DAB1: variants seen among roughly 807,000 people sequenced by gnomAD.
The protein encoded by DAB1 is DAB adaptor protein 1, also known as disabled homolog 1.
A neutral mutation model predicts 64.6 loss-of-function variants in DAB1; 15 were observed. The observed-to-expected ratio is 0.23, with a 90% CI of 0.16 to 0.36. The LOEUF (loss-of-function observed/expected upper bound fraction) is 0.36, where lower values mean the gene tolerates loss of function less well. Ranked by LOEUF, DAB1 falls within the 10% of genes least tolerant of loss-of-function variation. The pLI is 1.00. For missense variants in DAB1, 596 were observed against 706.7 expected (o/e 0.84, Z 1.78); for synonymous variants, 235 against 251.9 (o/e 0.93, Z 0.64).
intron 6 of DAB1, among the ~76,000 whole-genome samples, chr1:57,695,281 G>A (rs1269453146): frequency 0.017 from 1,233 of 74,586 alleles, 296 homozygotes; most frequent in African/African-American, 0.035. Flanking sequence ...AGGAAGGAAG[G>A]AAGAAAGGGA....
chr1:58,403,988 A>G lies in DAB1; in HGVS notation n.258-60585T>C, dbSNP rs553656149. ...AAAAACTTGGATTTATTTGGTCTGG[A>G]GAAGATTCCAAGGAACATTTGTAGG... On this transcript the variant is annotated intron_variant and non_coding_transcript_variant, in intron 3 of 20. Transcript: ENST00000485760. Among the ~76,000 whole-genome samples the G allele has an allele frequency of 6.6e-5, 10 of 152,364 alleles. No individual in the cohort carries two copies. In the South Asian group the frequency reaches 1.9e-3, roughly 28 times the overall value.
At chr1:58,132,650 C>T (rs1653694738) in intron 5 of DAB1, among the ~76,000 whole-genome samples, 1 of 152,138 alleles carries the variant, frequency 6.6e-6, no homozygotes, top group Admixed American at 6.5e-5. Flanking sequence ...CTTGTTTTCT[C>T]CCTAGCAGGG....
Position 57,323,608 on chromosome 1 carries a change from G to A in DAB1, c.-136-32442C>T, listed in dbSNP as rs186493525. On this transcript the variant is annotated intron_variant, in intron 1 of 14. Coordinates refer to ENST00000371236, the MANE Select transcript of DAB1 (RefSeq NM_001365792.1). ...ATCACCAGAACCAGACTGTGATCTC[G>A]CTAAGGGCAGGATCAAACTCAGCTA... 1.8e-3 allele frequency among the ~76,000 whole-genome samples: 271 copies of A among 152,156 alleles called. 1 individual carries two copies. The highest frequency in any genetic ancestry group is 3.3e-3 in the Admixed American group (50 of 15,278).
intron 5 of DAB1, among the ~76,000 whole-genome samples, chr1:58,126,920 C>G (rs1247376467): frequency 6.9e-6 from 1 of 144,918 alleles, no homozygotes; most frequent in Non-Finnish European, 1.5e-5. Context: ...AATAAACATA[C>G]GTGTGCATGT....
chr1:57,214,611 C>T (rs1197771362), intron 2 of DAB1, among the ~76,000 whole-genome samples: 1 of 152,042 alleles, frequency 6.6e-6, no homozygotes, highest in South Asian at 2.1e-4. Context: ...TTCTGTTTCA[C>T]CTTAGAAAAA....
chr1:58,160,376 C>T (rs1173919088), intron 4 of DAB1, among the ~76,000 whole-genome samples: 1 of 152,128 alleles, frequency 6.6e-6, no homozygotes, highest in Non-Finnish European at 1.5e-5. Flanking sequence ...TTGGGGCCTC[C>T]TATCATGTAC....
chr1:58,445,707 A>G (rs1645057910), intron 3 of DAB1, among the ~76,000 whole-genome samples: 1 of 152,204 alleles, frequency 6.6e-6, no homozygotes, highest in Admixed American at 6.5e-5. Flanking sequence ...AGGAGTGACA[A>G]ACTACAGTTT....
At chr1:57,482,559 G>A (rs964297327) in intron 7 of DAB1, among the ~76,000 whole-genome samples, 77 of 149,762 alleles carry the variant, frequency 5.1e-4, no homozygotes, top group African/African-American at 1.8e-3. Flanking sequence ...CAACTGTTTA[G>A]CATATTAAAT....
intron 1 of DAB1, among the ~76,000 whole-genome samples, chr1:57,402,094 A>G (rs1683288357): frequency 6.6e-6 from 1 of 152,244 alleles, no homozygotes; most frequent in Non-Finnish European, 1.5e-5. Context: ...GAGATAAAGA[A>G]AAAGACCTCT....
intron 4 of DAB1, among the ~76,000 whole-genome samples, chr1:58,184,363 A>G (rs1007757539): frequency 2.0e-5 from 3 of 150,862 alleles, no homozygotes; most frequent in African/African-American, 7.3e-5. Flanking sequence ...AATTGATTAG[A>G]TTTTCTGAAA....
chr1:57,532,557 T>C (rs1471750856), intron 7 of DAB1, among the ~76,000 whole-genome samples: 1 of 152,226 alleles, frequency 6.6e-6, no homozygotes, highest in African/African-American at 2.4e-5. Context: ...CGCAGATAAT[T>C]TTTGAATGAA....
intron 7 of DAB1, among the ~76,000 whole-genome samples, chr1:57,556,686 T>C (rs1644992748): frequency 2.0e-5 from 3 of 152,244 alleles, no homozygotes; most frequent in African/African-American, 7.2e-5. Context: ...ATTAGTCCTT[T>C]GTTAGACATA....
intron 6 of DAB1, among the ~76,000 whole-genome samples, chr1:57,805,688 G>A (rs1268545719): frequency 1.3e-5 from 2 of 152,034 alleles, no homozygotes; most frequent in Non-Finnish European, 2.9e-5. Context: ...ATATCCAATA[G>A]GCATCTCACA....
intron 6 of DAB1, among the ~76,000 whole-genome samples, chr1:57,806,592 G>A (rs905874648): frequency 2.0e-5 from 3 of 152,158 alleles, no homozygotes; most frequent in African/African-American, 7.2e-5. Flanking sequence ...CAAACTTCTA[G>A]CCTCCAGACC....
chr1:57,273,600 T>C (rs868294574), intron 2 of DAB1, among the ~76,000 whole-genome samples: 22 of 116,170 alleles, frequency 1.9e-4, no homozygotes, highest in African/African-American at 7.5e-4. Context: ...CCTTCCTTCC[T>C]TCCTTCCTTC....
At chr1:57,980,822 C>G (rs1036606254) in intron 5 of DAB1, among the ~76,000 whole-genome samples, 1 of 151,992 alleles carries the variant, frequency 6.6e-6, no homozygotes, top group Non-Finnish European at 1.5e-5. Context: ...ATAGTTTTTA[C>G]TTAGTCATTC....
intron 3 of DAB1, among the ~76,000 whole-genome samples, chr1:58,400,515 A>G (rs895162426): frequency 4.1e-4 from 63 of 152,212 alleles, no homozygotes; most frequent in Non-Finnish European, 7.3e-4. Flanking sequence ...TGGCCCCTAA[A>G]GAATGGAAGT....
chr1:58,173,610 C>T (rs1656297628), intron 4 of DAB1, among the ~76,000 whole-genome samples: 1 of 152,148 alleles, frequency 6.6e-6, no homozygotes, highest in Non-Finnish European at 1.5e-5. Context: ...TCCCAAAACC[C>T]CTTTCCAGCC....
intron 5 of DAB1, among the ~76,000 whole-genome samples, chr1:58,104,630 C>G (rs1011315397): frequency 6.6e-6 from 1 of 152,174 alleles, no homozygotes; most frequent in Non-Finnish European, 1.5e-5. Context: ...AAATCCCGAG[C>G]CTTCCTTTAA....
Sources: gnomAD v4.1 joint callset for allele counts (sites outside exome capture counted in the v4.1 genomes callset) on GRCh38, gnomAD v4.1.1 for gene constraint, MANE v1.5 for transcripts, NCBI Gene and HGNC (gene_info 2026-07-23, HGNC 2026-07-21) for gene names.